The following NT5DC4 variants were observed in gnomAD, a reference collection of about 807,000 sequenced individuals.
The protein encoded by NT5DC4 is 5'-nucleotidase domain containing 4.
A neutral mutation model predicts 26.6 loss-of-function variants in NT5DC4; 44 were observed. The observed-to-expected ratio is 1.65, with a 90% CI of 1.30 to 2.13. The LOEUF (loss-of-function observed/expected upper bound fraction) is 2.13. Ranked by LOEUF, NT5DC4 falls within the 30% of genes most tolerant of loss-of-function variation. The pLI is 0.00. For missense variants in NT5DC4, 399 were observed against 228.1 expected, an observed-to-expected ratio of 1.75 and a Z score of -4.83; for synonymous variants, 157 against 86.7, an observed-to-expected ratio of 1.81 and a Z score of -4.51.
intron 16 of NT5DC4, among the ~76,000 whole-genome samples, chr2:112,735,395 A>G (rs559068027): frequency 2.0e-5 from 3 of 152,296 alleles, no homozygotes; most frequent in Admixed American, 2.0e-4. Context: ...TGCCTGGCAT[A>G]GTGAGCACTA....
intron 7 of NT5DC4, 53 bp downstream of exon 7, chr2:112,723,227 C>T: frequency 4.2e-6 from 3 of 717,008 alleles, no homozygotes; most frequent in Non-Finnish European, 7.8e-6. Flanking sequence ...CTCTTGGTTC[C>T]CCGGGCAGCC....
At chr2:112,720,240 T>C (rs1309304029), upstream of NT5DC4, among the ~76,000 whole-genome samples, 1 of 149,678 alleles carries the variant, frequency 6.7e-6, no homozygotes, top group African/African-American at 2.5e-5. Flanking sequence ...TTTTTCTTCG[T>C]ATTTTTAGTA....
chr2:112,725,320 C>T (rs551903780), intron 12 of NT5DC4, 62 bp from the exon 13 acceptor site: 13 of 690,458 alleles, frequency 1.9e-5, no homozygotes, highest in South Asian at 1.1e-4. Context: ...TCACCTGCCC[C>T]GAGTCACCTA....
chr2:112,723,218 T>C, intron 7 of NT5DC4, 44 bp downstream of exon 7: 2 of 717,130 alleles, frequency 2.8e-6, no homozygotes, highest in Non-Finnish European at 5.2e-6. Context: ...ACCTGTCTGC[T>C]CTTGGTTCCC....
chr2:112,742,138 G>T (rs1409306622), downstream of NT5DC4, among the ~76,000 whole-genome samples: 3 of 151,992 alleles, frequency 2.0e-5, no homozygotes, highest in Non-Finnish European at 2.9e-5. Flanking sequence ...AAGATAACAA[G>T]AAGAATCCAA....
At chr2:112,740,957 C>T (rs1574317793), downstream of NT5DC4, 29 of 1,613,788 alleles carry the variant, frequency 1.8e-5, no homozygotes, top group East Asian at 6.5e-4. Flanking sequence ...TTGGCCAGCT[C>T]TTCCACTGAT....
rs530137704 is a variant in NT5DC4, at chr2:112,738,996, G to A, written c.*60G>A. ...ACTGCTCGCTCAATCCTCGACGAAC[G>A]CCGTACAGGAGTGATAAATTTCATG... On this transcript the variant is annotated 3_prime_UTR_variant, in exon 17 of 17. Coordinates refer to ENST00000688554, the MANE Select transcript of NT5DC4 (RefSeq NM_001393655.1). 6.8e-6 allele frequency: 11 copies of A among 1,614,162 alleles called. No homozygotes were observed. The highest frequency in any genetic ancestry group is 4.5e-5 in the East Asian group (2 of 44,888).
downstream of NT5DC4, among the ~76,000 whole-genome samples, chr2:112,742,094 TCTA>T (rs1177829989): frequency 1.3e-5 from 2 of 152,054 alleles, no homozygotes; most frequent in South Asian, 4.2e-4. Flanking sequence ...GCAGCCTAAA[TCTA>T]CTATTAAAGG....
upstream of NT5DC4, among the ~76,000 whole-genome samples, chr2:112,719,200 A>T (rs1009235404): frequency 1.3e-5 from 2 of 152,324 alleles, no homozygotes; most frequent in East Asian, 3.9e-4. Flanking sequence ...GATGCTTTGC[A>T]TTATGATGGC....
At chr2:112,736,737 G>A (rs192903189) in intron 16 of NT5DC4, 7 of 152,220 alleles carry the variant, frequency 4.6e-5, no homozygotes, top group African/African-American at 1.4e-4. Context: ...ATGTTCTCCA[G>A]GTCCATCTAT....
Position 112,725,377 on chromosome 2 carries a change from G to C in NT5DC4, c.983-5G>C. ...CGAGTGTCTGTCCTCCCCTTGGTGG[G>C]GCAGGCTCTTCGGACATGGTGTGCG... On this transcript the variant is annotated splice_region_variant and splice_polypyrimidine_tract_variant and intron_variant, in intron 12 of 16. Coordinates refer to ENST00000688554, the MANE Select transcript of NT5DC4 (RefSeq NM_001393655.1). 1 of 699,866 alleles carries C rather than the reference G, an allele frequency of 1.4e-6. No individual in the cohort carries two copies. 43.4% of individuals were successfully genotyped at this position (699,866 alleles called of 1,614,324 possible).
intron 13 of NT5DC4, 86 bp from the exon 14 acceptor site, chr2:112,726,152 G>A (rs187705273): frequency 4.2e-6 from 3 of 710,694 alleles, no homozygotes; most frequent in East Asian, 2.7e-5. Flanking sequence ...CAAGTCCTCC[G>A]CTGGGCCAGG....
chr2:112,736,027 G>C (rs1679114952), intron 16 of NT5DC4, among the ~76,000 whole-genome samples: 1 of 152,044 alleles, frequency 6.6e-6, no homozygotes, highest in Admixed American at 6.6e-5. Flanking sequence ...CCACCATAAA[G>C]AGACAACTGA....
At chr2:112,742,619 ATTCTT>A, downstream of NT5DC4, 2 of 917,244 alleles carry the variant, frequency 2.2e-6, no homozygotes, top group Admixed American at 4.4e-5. Flanking sequence ...TCAGGGGATG[ATTCTT>A]TTCTTCTTTT....
chr2:112,724,095 C>T lies in NT5DC4; in HGVS notation c.758C>T (p.Ala253Val), dbSNP rs952632655. ...CTGACGCTGCCTTGTCCTTGCCAGG[C>T]CATCATGACCTACCTGTTCAGCATC... ...ATNSSYNYTN[A>V]IMTYLFSISE... Residue 253 changes from alanine (A) to valine (V), a missense_variant and splice_region_variant, in exon 10 of 17, where the codon GCC (alanine) becomes GTC (valine). By Grantham distance (64) the Ala-to-Val change is moderately conservative. Coordinates refer to ENST00000688554, the MANE Select transcript of NT5DC4 (RefSeq NM_001393655.1). 1 of 717,068 alleles carries T rather than the reference C, an allele frequency of 1.4e-6. No homozygotes were observed. The highest frequency in any genetic ancestry group is 1.7e-5 in the African/African-American group (1 of 57,230). 44.4% of individuals were successfully genotyped at this position (717,068 alleles called of 1,614,324 possible).
At chr2:112,740,615 C>A (rs1338324445), downstream of NT5DC4, among the ~76,000 whole-genome samples, 1 of 152,180 alleles carries the variant, frequency 6.6e-6, no homozygotes, top group Non-Finnish European at 1.5e-5. Context: ...CAGATAGGAT[C>A]TGCAAGTGCA....
downstream of NT5DC4, among the ~76,000 whole-genome samples, chr2:112,739,549 G>A (rs1679719741): frequency 6.6e-6 from 1 of 152,212 alleles, no homozygotes; most frequent in Non-Finnish European, 1.5e-5. Context: ...CAAATATTTG[G>A]CAGTTGGTGT....
intron 1 of NT5DC4, among the ~76,000 whole-genome samples, 36 bp downstream of exon 1, chr2:112,721,189 C>T (rs1676831757): frequency 6.6e-6 from 1 of 152,206 alleles, no homozygotes; most frequent in Non-Finnish European, 1.5e-5. Flanking sequence ...CCAGGGGTCT[C>T]AGCCCATAAA....
intron 16 of NT5DC4, among the ~76,000 whole-genome samples, chr2:112,730,910 C>T (rs1574273774): frequency 6.6e-6 from 1 of 152,152 alleles, no homozygotes; most frequent in African/African-American, 2.4e-5. Flanking sequence ...TGGACACACT[C>T]CTGTCAGTAA....
Sources: gnomAD v4.1 joint callset for allele counts (sites outside exome capture counted in the v4.1 genomes callset) on GRCh38, gnomAD v4.1.1 for gene constraint, MANE v1.5 for transcripts, NCBI Gene and HGNC (gene_info 2026-07-23, HGNC 2026-07-21) for gene names.